The following RBFOX1 variants were observed in gnomAD, a reference collection of about 807,000 sequenced individuals.
RBFOX1 encodes RNA binding fox-1 homolog 1.
A neutral mutation model predicts 57.7 loss-of-function variants in RBFOX1; 8 were observed. The ratio of observed to expected loss-of-function variants is 0.14; its 90% CI spans 0.08 to 0.25. RBFOX1 has a LOEUF of 0.25. Ranked by LOEUF, RBFOX1 falls within the 10% of genes least tolerant of loss-of-function variation. The probability of loss-of-function intolerance (pLI) is 1.00; values close to 1 mark genes in which losing one functional copy is unlikely to be tolerated. For missense variants in RBFOX1, 611 were observed against 548.5 expected (o/e 1.11, Z -1.14); for synonymous variants, 326 against 222.4 (o/e 1.47, Z -4.15).
Position 6,923,758 on chromosome 16 carries a change from T to G in RBFOX1, c.-15-128299T>G, listed in dbSNP as rs188352242. Among the ~76,000 whole-genome samples the G allele has an allele frequency of 3.4e-3, 525 of 152,236 alleles. 3 individuals are homozygous for G. Among genetic ancestry groups the G allele is most frequent in the African/African-American group, 0.012 (494 of 41,544 alleles). On this transcript the variant is annotated intron_variant, in intron 3 of 15. Coordinates refer to ENST00000550418, the MANE Select transcript of RBFOX1 (RefSeq NM_018723.4). ...GGTCAGGAACACAGATATCAAAGCTTAATTAATAGTTAGTCTATTTTGGAG... is the reference window on the plus strand; with the variant it reads ...GGTCAGGAACACAGATATCAAAGCTGAATTAATAGTTAGTCTATTTTGGAG...
chr16:7,391,067 T>C (rs372738043), intron 4 of RBFOX1, among the ~76,000 whole-genome samples: 3 of 152,178 alleles, frequency 2.0e-5, no homozygotes, highest in East Asian at 1.9e-4. Flanking sequence ...CTTCTGCTCC[T>C]AGTCCTTAAG....
At chr16:6,266,611 G>A (rs1188163896) in intron 1 of RBFOX1, among the ~76,000 whole-genome samples, 1 of 151,986 alleles carries the variant, frequency 6.6e-6, no homozygotes, top group African/African-American at 2.4e-5. Context: ...CTACTCAGGG[G>A]GCTGAGGCAG....
chr16:5,980,101 C>G (rs1033507026), intron 4 of RBFOX1, among the ~76,000 whole-genome samples: 1 of 152,192 alleles, frequency 6.6e-6, no homozygotes, highest in Non-Finnish European at 1.5e-5. Context: ...TCCTTTCTGC[C>G]AGCAGCCTTT....
At chr16:7,361,250 G>A (rs890243896) in intron 4 of RBFOX1, among the ~76,000 whole-genome samples, 10 of 152,162 alleles carry the variant, frequency 6.6e-5, no homozygotes, top group African/African-American at 2.4e-4. Context: ...TTGTGTCATT[G>A]CACACTTTGT....
At chr16:7,507,542 C>G (rs1177658114) in intron 4 of RBFOX1, among the ~76,000 whole-genome samples, 1 of 146,668 alleles carries the variant, frequency 6.8e-6, no homozygotes, top group South Asian at 2.2e-4. Context: ...GGCCTTGGAA[C>G]GTGATTTTTT....
rs1394592063 is a variant in RBFOX1, at chr16:5,687,812, G to C, written c.318+88851G>C. Among the ~76,000 whole-genome samples the C allele has an allele frequency of 2.0e-5, 3 of 152,136 alleles. No homozygotes were observed. In the East Asian group the frequency reaches 5.8e-4, roughly 29 times the overall value. ...GAGTCTGAAGTACCGGGTATGTATGGTCTCAATGTTAGGTGGACGTTTTAT... is the reference window on the plus strand; with the variant it reads ...GAGTCTGAAGTACCGGGTATGTATGCTCTCAATGTTAGGTGGACGTTTTAT... On this transcript the variant is annotated intron_variant, in intron 3 of 19. Transcript: ENST00000641259.
chr16:7,057,303 T>A (rs370659644), intron 4 of RBFOX1, among the ~76,000 whole-genome samples: 5 of 152,294 alleles, frequency 3.3e-5, no homozygotes, highest in African/African-American at 1.2e-4. Flanking sequence ...CCAGCTATCT[T>A]AAGCAGAAAA....
intron 2 of RBFOX1, among the ~76,000 whole-genome samples, chr16:6,629,589 G>A (rs543030267): frequency 2.4e-4 from 37 of 152,162 alleles, no homozygotes; most frequent in Admixed American, 3.3e-4. Context: ...GGTGGTTAGG[G>A]TGGGTGTCTG....
At chr16:5,549,356 C>T (rs148866496) in intron 2 of RBFOX1, among the ~76,000 whole-genome samples, 6 of 152,174 alleles carry the variant, frequency 3.9e-5, no homozygotes, top group African/African-American at 1.4e-4. Context: ...ACTGGATCTG[C>T]TTCTTCAAGC....
chr16:6,530,097 G>A (rs2096635746), intron 2 of RBFOX1, among the ~76,000 whole-genome samples: 1 of 152,148 alleles, frequency 6.6e-6, no homozygotes, highest in Non-Finnish European at 1.5e-5. Context: ...CAGACTTGTA[G>A]CTTCCGAAAA....
At chr16:7,209,427 A>G (rs1393216173) in intron 4 of RBFOX1, among the ~76,000 whole-genome samples, 1 of 152,146 alleles carries the variant, frequency 6.6e-6, no homozygotes, top group Non-Finnish European at 1.5e-5. Context: ...ATTTTAACTT[A>G]CTTACCTTTT....
chr16:6,858,290 C>T (rs1220188471), intron 3 of RBFOX1, among the ~76,000 whole-genome samples: 1 of 152,188 alleles, frequency 6.6e-6, no homozygotes, highest in Non-Finnish European at 1.5e-5. Context: ...GGTCTTCCCT[C>T]TCTGTGTTGA....
downstream of RBFOX1, among the ~76,000 whole-genome samples, chr16:5,600,509 A>G (rs1388410671): frequency 7.3e-6 from 1 of 137,878 alleles, no homozygotes; most frequent in Non-Finnish European, 1.6e-5. Context: ...AAAAAAAAAA[A>G]GTCTGCTTGG....
intron 2 of RBFOX1, among the ~76,000 whole-genome samples, chr16:6,543,380 A>T (rs2096851198): frequency 6.6e-6 from 1 of 152,054 alleles, no homozygotes; most frequent in South Asian, 2.1e-4. Context: ...GTGGCTTCTC[A>T]AAGACTTCCA....
intron 3 of RBFOX1, among the ~76,000 whole-genome samples, chr16:6,860,955 C>T (rs2058883650): frequency 1.3e-5 from 2 of 151,952 alleles, no homozygotes; most frequent in Admixed American, 6.6e-5. Context: ...GGGGTCTATG[C>T]ATATATGGTA....
intron 4 of RBFOX1, among the ~76,000 whole-genome samples, chr16:5,939,334 G>A (rs1004160740): frequency 6.6e-6 from 1 of 152,236 alleles, no homozygotes; most frequent in Non-Finnish European, 1.5e-5. Context: ...AGTTTCTGAG[G>A]TTCAGGAATT....
intron 3 of RBFOX1, among the ~76,000 whole-genome samples, chr16:6,696,002 T>A (rs1286537468): frequency 1.3e-5 from 2 of 152,186 alleles, no homozygotes; most frequent in Non-Finnish European, 2.9e-5. Flanking sequence ...CTGATCTGAT[T>A]TCTACAGCGT....
chr16:6,962,280 A>T (rs1306599463), intron 3 of RBFOX1, among the ~76,000 whole-genome samples: 1 of 152,100 alleles, frequency 6.6e-6, no homozygotes, highest in African/African-American at 2.4e-5. Flanking sequence ...AAGACTAGTC[A>T]TTGGCCCACC....
chr16:7,244,268 A>G (rs971866249), intron 4 of RBFOX1, among the ~76,000 whole-genome samples: 1 of 143,920 alleles, frequency 6.9e-6, no homozygotes, highest in Non-Finnish European at 1.5e-5. Flanking sequence ...AAAAAAAAAA[A>G]AAACACCCTT....
Sources: gnomAD v4.1 joint callset for allele counts (sites outside exome capture counted in the v4.1 genomes callset) on GRCh38, gnomAD v4.1.1 for gene constraint, MANE v1.5 for transcripts, NCBI Gene and HGNC (gene_info 2026-07-23, HGNC 2026-07-21) for gene names.